RIC1: variants seen among roughly 807,000 people sequenced by gnomAD.
RIC1 encodes guanine nucleotide exchange factor subunit RIC1.
Under a neutral mutation model 169.0 loss-of-function variants are expected in RIC1, and 88 were observed. That is an observed-to-expected ratio of 0.52 (90% confidence interval 0.44 to 0.62). The LOEUF (loss-of-function observed/expected upper bound fraction) is 0.62. RIC1 is among the 20% of genes least tolerant of loss of function. RIC1 has a pLI of 0.00. For synonymous variants in RIC1, 790 were observed against 601.5 expected (o/e 1.31, Z -4.59); for missense variants, 1,877 against 1,725.5 (o/e 1.09, Z -1.56).
intron 3 of RIC1, among the ~76,000 whole-genome samples, chr9:5,702,503 T>TTTTG (rs1822285346): frequency 7.0e-6 from 1 of 143,418 alleles, no homozygotes; most frequent in Non-Finnish European, 1.5e-5. Flanking sequence ...ACACACTTTT[T>TTTTG]TTTTGTTTTG....
At chr9:5,689,815 A>G (rs1270177788) in intron 2 of RIC1, 144 bp from the exon 3 acceptor site, 8 of 557,868 alleles carry the variant, frequency 1.4e-5, no homozygotes, top group Non-Finnish European at 2.5e-5. Flanking sequence ...AGTCGCTTCT[A>G]TTTGCATAAT....
chr9:5,724,901 T>C (rs1262660856), intron 6 of RIC1, among the ~76,000 whole-genome samples: 1 of 152,212 alleles, frequency 6.6e-6, no homozygotes, highest in Non-Finnish European at 1.5e-5. Context: ...ATCCCAGGGA[T>C]GAAGCCAACT....
At position 5,631,160 on chromosome 9, in the gene RIC1, A is replaced by G. The variant is rs377467128; in HGVS notation, c.144+1707A>G. Among the ~76,000 whole-genome samples the G allele has an allele frequency of 1.6e-4, 24 of 152,296 alleles. 1 individual carries two copies. In the South Asian group the frequency reaches 2.5e-3, roughly 16 times the overall value. On this transcript the variant is annotated intron_variant, in intron 1 of 25. Coordinates refer to ENST00000414202, the MANE Select transcript of RIC1 (RefSeq NM_020829.4). ...ATTGTGAATATTCTTAAGCATGTCT[A>G]TTGTTTGGTTTTGGAGTTACATACG...
intron 8 of RIC1, among the ~76,000 whole-genome samples, chr9:5,739,668 A>T (rs1824945646): frequency 1.3e-5 from 2 of 152,162 alleles, no homozygotes; most frequent in South Asian, 4.1e-4. Context: ...CAGGCAGCAC[A>T]GGGTTTATAA....
chr9:5,672,636 G>A (rs1431616385), intron 2 of RIC1, among the ~76,000 whole-genome samples: 1 of 152,172 alleles, frequency 6.6e-6, no homozygotes, highest in East Asian at 1.9e-4. Flanking sequence ...GACAGAACAA[G>A]TATTAGTTTA....
At chr9:5,732,279 A>C (rs1192198387) in intron 6 of RIC1, 109 bp from the exon 7 acceptor site, 3 of 851,098 alleles carry the variant, frequency 3.5e-6, no homozygotes, top group Non-Finnish European at 5.7e-6. Context: ...CTGCAGATGA[A>C]ACCAAATAAA....
chr9:5,725,304 G>A (rs751680283), intron 6 of RIC1, among the ~76,000 whole-genome samples: 1 of 152,130 alleles, frequency 6.6e-6, no homozygotes, highest in Non-Finnish European at 1.5e-5. Context: ...ATTTGTCCAG[G>A]AATTTATCCA....
At chr9:5,657,542 A>G (rs757152602) in intron 2 of RIC1, among the ~76,000 whole-genome samples, 8 of 152,136 alleles carry the variant, frequency 5.3e-5, no homozygotes, top group Non-Finnish European at 1.0e-4. Context: ...GTCTTATCCA[A>G]GGTTACATGC....
chr9:5,682,794 G>A (rs115201743), intron 2 of RIC1, among the ~76,000 whole-genome samples: 1 of 152,088 alleles, frequency 6.6e-6, no homozygotes, highest in Non-Finnish European at 1.5e-5. Flanking sequence ...TTTCAGGTCA[G>A]GTACACCAAT....
chr9:5,699,912 T>C (rs1362325399), intron 3 of RIC1, among the ~76,000 whole-genome samples: 4 of 152,186 alleles, frequency 2.6e-5, no homozygotes, highest in Admixed American at 2.0e-4. Context: ...ATATAGTCAG[T>C]GATGTGTAAA....
intron 21 of RIC1, among the ~76,000 whole-genome samples, chr9:5,766,617 G>A (rs1407628571): frequency 1.3e-5 from 2 of 152,228 alleles, no homozygotes; most frequent in East Asian, 3.9e-4. Flanking sequence ...CCATTCCTGA[G>A]TTACTTCACT....
chr9:5,695,186 G>T (rs1426419099), intron 3 of RIC1, among the ~76,000 whole-genome samples: 1 of 152,058 alleles, frequency 6.6e-6, no homozygotes, highest in Non-Finnish European at 1.5e-5. Context: ...ATATATCCAG[G>T]GGAAGACAAT....
intron 3 of RIC1, among the ~76,000 whole-genome samples, chr9:5,701,809 A>C (rs1245254931): frequency 6.6e-6 from 1 of 152,176 alleles, no homozygotes; most frequent in Non-Finnish European, 1.5e-5. Context: ...ATCATAATTA[A>C]AATATTGAAG....
intron 6 of RIC1, among the ~76,000 whole-genome samples, chr9:5,731,316 G>A (rs1172172031): frequency 6.6e-6 from 1 of 151,946 alleles, no homozygotes; most frequent in Non-Finnish European, 1.5e-5. Context: ...AATGCTCACT[G>A]CTGTCTTTAC....
At chr9:5,687,843 C>T (rs1039050714) in intron 2 of RIC1, among the ~76,000 whole-genome samples, 7 of 152,078 alleles carry the variant, frequency 4.6e-5, no homozygotes, top group African/African-American at 1.4e-4. Flanking sequence ...TGCGGAGACT[C>T]TGTTTATATG....
chr9:5,707,401 T>C (rs936613013), intron 3 of RIC1, among the ~76,000 whole-genome samples: 8 of 152,146 alleles, frequency 5.3e-5, no homozygotes, highest in Admixed American at 2.6e-4. Flanking sequence ...GTGGTTTATA[T>C]AGTGTTATTT....
intron 24 of RIC1, 70 bp downstream of exon 24, chr9:5,772,811 A>C: frequency 6.5e-7 from 1 of 1,546,244 alleles, no homozygotes; most frequent in Non-Finnish European, 8.8e-7. Context: ...GTATGGGGCT[A>C]CTCTCCTAAT....
chr9:5,674,849 G>A lies in RIC1; in HGVS notation c.253-15110G>A, dbSNP rs114756646. ...GATCACAGACTGTCACTGTGATTCTGTTTTTTTGTTCCGGGCATATGCTTA... is the reference window on the plus strand; with the variant it reads ...GATCACAGACTGTCACTGTGATTCTATTTTTTTGTTCCGGGCATATGCTTA... On this transcript the variant is annotated intron_variant, in intron 2 of 25. Transcript: ENST00000414202. Among the ~76,000 whole-genome samples the A allele has an allele frequency of 1.2e-3, 188 of 152,198 alleles. 3 individuals are homozygous for A. The highest frequency in any genetic ancestry group is 4.4e-3 in the African/African-American group (183 of 41,544).
In RIC1 at chr9:5,763,533, C is replaced by T. The variant is rs1183495484; in HGVS notation, c.2506C>T (p.Leu836=). The part of the protein sequence containing the change: ...IYLHHILRQL[L]VRNLGEQALL... ...CCTCCACCACATTCTACGTCAACTT[C>T]TGGTCAGAAACCTTGGGGAGCAAGC... The change falls in exon 19 of 26, where the codon CTG becomes TTG. Residue 836 remains leucine (L), a synonymous_variant. Coordinates refer to ENST00000414202, the MANE Select transcript of RIC1 (RefSeq NM_020829.4). The surrounding 1 kb of genome is among the most constrained non-coding windows in gnomAD (Gnocchi z 5.2). The T allele has an allele frequency of 2.5e-6, 4 of 1,614,072 alleles. No individual in the cohort carries two copies. In the African/African-American group the frequency reaches 4.0e-5, roughly 16 times the overall value.
Sources: gnomAD v4.1 joint callset for allele counts (sites outside exome capture counted in the v4.1 genomes callset) on GRCh38, gnomAD v4.1.1 for gene constraint, Gnocchi (gnomAD v3.1) non-coding constraint, MANE v1.5 for transcripts, NCBI Gene and HGNC (gene_info 2026-07-23, HGNC 2026-07-21) for gene names.